The following AUTS2 variants were observed in gnomAD, a reference collection of about 807,000 sequenced individuals.
AUTS2 encodes the protein autism susceptibility gene 2 protein.
A neutral mutation model predicts 112.4 loss-of-function variants in AUTS2; 17 were observed. The ratio of observed to expected loss-of-function variants is 0.15; its 90% confidence interval spans 0.10 to 0.23. AUTS2 has a LOEUF of 0.23. AUTS2 is among the 10% of genes least tolerant of loss of function. The pLI, the probability that AUTS2 is intolerant of heterozygous loss-of-function variation, is 1.00. For synonymous variants in AUTS2, 751 were observed against 702.7 expected, an observed-to-expected ratio of 1.07 and a Z score of -1.09; for missense variants, 1,510 against 1,701.6, an observed-to-expected ratio of 0.89 and a Z score of 1.98.
chr7:70,217,934 T>G (rs934884892), intron 4 of AUTS2, among the ~76,000 whole-genome samples: 5 of 152,234 alleles, frequency 3.3e-5, no homozygotes, highest in African/African-American at 4.8e-5. Context: ...GTTTTCTGGT[T>G]TTTGTTTGTT....
At chr7:70,066,370 CTTTGTT>C (rs1232093485) in intron 2 of AUTS2, among the ~76,000 whole-genome samples, 1 of 151,784 alleles carries the variant, frequency 6.6e-6, no homozygotes, top group Admixed American at 6.6e-5. Flanking sequence ...TTATTCCAGT[CTTTGTT>C]TTTGTTTTTT....
intron 1 of AUTS2, among the ~76,000 whole-genome samples, chr7:69,623,183 C>A (rs1793755238): frequency 6.6e-6 from 1 of 152,002 alleles, no homozygotes; most frequent in South Asian, 2.1e-4. Context: ...AACATTAATC[C>A]CTGCTCTGTG....
intron 4 of AUTS2, among the ~76,000 whole-genome samples, chr7:70,420,206 C>T (rs749978259): frequency 6.6e-6 from 1 of 152,138 alleles, no homozygotes; most frequent in Admixed American, 6.5e-5. Context: ...CTCAAGCCAG[C>T]GCTTATAATT....
intron 2 of AUTS2, among the ~76,000 whole-genome samples, chr7:69,914,368 C>G (rs534621103): frequency 1.3e-5 from 2 of 150,352 alleles, no homozygotes; most frequent in Admixed American, 6.6e-5. Context: ...CACACACACA[C>G]ACACACACAC....
chr7:70,640,311 G>A (rs9638590), intron 5 of AUTS2, among the ~76,000 whole-genome samples: 73,486 of 150,734 alleles, frequency 0.49, 18,575 homozygotes, highest in East Asian at 0.85. Flanking sequence ...GGATGAAACA[G>A]GAAATTTTTC....
intron 5 of AUTS2, among the ~76,000 whole-genome samples, chr7:70,536,498 G>T (rs950488351): frequency 6.8e-6 from 1 of 147,640 alleles, no homozygotes; most frequent in Non-Finnish European, 1.5e-5. Flanking sequence ...ACACCTCTCT[G>T]CAGAGAACTC....
intron 5 of AUTS2, among the ~76,000 whole-genome samples, chr7:70,613,519 G>C (rs1234020571): frequency 6.6e-6 from 1 of 152,066 alleles, no homozygotes. Context: ...TCCCAGGCTG[G>C]GGACTTCAGA....
chr7:70,157,293 T>C (rs1407087018), intron 4 of AUTS2, among the ~76,000 whole-genome samples: 1 of 152,032 alleles, frequency 6.6e-6, no homozygotes, highest in Non-Finnish European at 1.5e-5. Flanking sequence ...TTTTGTTTTG[T>C]TCATGAGACA....
At chr7:70,303,606 A>G (rs1170861220) in intron 4 of AUTS2, among the ~76,000 whole-genome samples, 2 of 152,142 alleles carry the variant, frequency 1.3e-5, no homozygotes, top group Admixed American at 6.5e-5. Context: ...TTTGCACTCT[A>G]ATCCCCTTGT....
At chr7:70,552,931 TG>T (rs1801075592) in intron 5 of AUTS2, among the ~76,000 whole-genome samples, 1 of 152,196 alleles carries the variant, frequency 6.6e-6, no homozygotes, top group Non-Finnish European at 1.5e-5. Flanking sequence ...TCAAATAGAT[TG>T]GTAGCACTAG....
At chr7:70,757,364 A>G (rs1789275870) in intron 6 of AUTS2, among the ~76,000 whole-genome samples, 1 of 152,104 alleles carries the variant, frequency 6.6e-6, no homozygotes, top group African/African-American at 2.4e-5. Context: ...ATATTTTCTC[A>G]GCTGGTTGCC....
intron 2 of AUTS2, among the ~76,000 whole-genome samples, chr7:70,089,233 A>G (rs1431209034): frequency 6.6e-6 from 1 of 152,214 alleles, no homozygotes; most frequent in Non-Finnish European, 1.5e-5. Context: ...ACAATGGAGC[A>G]TTGAAATCTC....
intron 4 of AUTS2, 98 bp from the exon 5 acceptor site, chr7:70,435,654 T>C (rs1795861094): frequency 2.5e-6 from 3 of 1,198,712 alleles, no homozygotes; most frequent in African/African-American, 3.0e-5. Context: ...TTTACTTATC[T>C]TGCACTTTTT....
intron 1 of AUTS2, among the ~76,000 whole-genome samples, chr7:69,673,920 T>A (rs897348367): frequency 6.6e-6 from 1 of 152,354 alleles, no homozygotes; most frequent in Non-Finnish European, 1.5e-5. Context: ...GACACAAACT[T>A]TTCTTCATAG....
At chr7:70,722,503 T>TC (rs1786755730) in intron 6 of AUTS2, among the ~76,000 whole-genome samples, 1 of 152,190 alleles carries the variant, frequency 6.6e-6, no homozygotes, top group Non-Finnish European at 1.5e-5. Context: ...ATTTTTCTCT[T>TC]CCCCTCTTTT....
In AUTS2 at chr7:69,653,997, AG is replaced by A. The variant is rs1277328588; in HGVS notation, c.309+54039del. On this transcript the variant is annotated intron_variant, in intron 1 of 18. Transcript: ENST00000342771. ...AATGAGGGGAAAAATTGGATCAGTT[AG>A]GGGAAATTTATAAAACTTCTGTATT... 2.6e-5 allele frequency among the ~76,000 whole-genome samples: 4 copies of A among 152,326 alleles called. No individual in the cohort carries two copies. In the East Asian group the frequency reaches 7.7e-4, roughly 29 times the overall value.
chr7:69,640,979 A>G (rs1235052461), intron 1 of AUTS2, among the ~76,000 whole-genome samples: 3 of 152,202 alleles, frequency 2.0e-5, no homozygotes, highest in African/African-American at 7.2e-5. Context: ...GTTGGGTGGT[A>G]GAGAGATTGA....
intron 6 of AUTS2, among the ~76,000 whole-genome samples, chr7:70,743,326 G>T (rs1378443740): frequency 6.6e-6 from 1 of 151,882 alleles, no homozygotes; most frequent in Non-Finnish European, 1.5e-5. Flanking sequence ...AAAATTAGCC[G>T]GGCGTGGTGA....
intron 1 of AUTS2, among the ~76,000 whole-genome samples, chr7:69,803,851 A>C (rs552104474): frequency 6.6e-6 from 1 of 152,246 alleles, no homozygotes; most frequent in East Asian, 1.9e-4. Context: ...GCAACATGAC[A>C]AGACACTGTC....
Sources: allele counts gnomAD v4.1 joint callset (sites outside exome capture counted in the v4.1 genomes callset), GRCh38; gene constraint gnomAD v4.1.1; transcripts MANE v1.5; gene names NCBI Gene and HGNC (gene_info 2026-07-23, HGNC 2026-07-21).